The following ZRANB3 variants were observed in gnomAD, a reference collection of about 807,000 sequenced individuals.
ZRANB3 encodes zinc finger RANBP2-type containing 3.
Under a neutral mutation model 133.8 loss-of-function variants are expected in ZRANB3, and 125 were observed. The observed-to-expected ratio is 0.93, with a 90% CI of 0.81 to 1.08. The LOEUF (loss-of-function observed/expected upper bound fraction) is 1.08. Ranked by LOEUF, ZRANB3 falls within the 50% of genes least tolerant of loss-of-function variation. The pLI is 0.00. For missense variants in ZRANB3, 1,229 were observed against 1,275.5 expected (o/e 0.96, Z 0.56); for synonymous variants, 387 against 432.7 (o/e 0.89, Z 1.31).
At chr2:135,414,153 A>G (rs1235178705) in intron 2 of ZRANB3, among the ~76,000 whole-genome samples, 1 of 152,160 alleles carries the variant, frequency 6.6e-6, no homozygotes, top group Non-Finnish European at 1.5e-5. Context: ...AAAGACACAG[A>G]CTGGCAAATT....
chr2:135,479,421 T>A (rs1285934857), intron 2 of ZRANB3, among the ~76,000 whole-genome samples: 3 of 152,026 alleles, frequency 2.0e-5, no homozygotes, highest in Admixed American at 6.6e-5. Flanking sequence ...GATTACCTGA[T>A]GTCAGGAGTT....
At chr2:135,448,510 A>G (rs1690129408) in intron 2 of ZRANB3, among the ~76,000 whole-genome samples, 1 of 152,224 alleles carries the variant, frequency 6.6e-6, no homozygotes, top group Non-Finnish European at 1.5e-5. Flanking sequence ...AATTATTAGC[A>G]ATCACATGCA....
At chr2:135,416,729 C>T (rs547291169) in intron 2 of ZRANB3, among the ~76,000 whole-genome samples, 1 of 152,116 alleles carries the variant, frequency 6.6e-6, no homozygotes, top group South Asian at 2.1e-4. Context: ...CTACAGTAAC[C>T]AAAACAGCAT....
chr2:135,254,760 T>C (rs1573767987), intron 12 of ZRANB3, among the ~76,000 whole-genome samples: 1 of 152,142 alleles, frequency 6.6e-6, no homozygotes, highest in East Asian at 1.9e-4. Flanking sequence ...TTTTCTTTTT[T>C]TTTTCTTTGA....
chr2:135,231,987 G>A (rs1323531923), intron 12 of ZRANB3, among the ~76,000 whole-genome samples: 2 of 152,178 alleles, frequency 1.3e-5, no homozygotes, highest in Non-Finnish European at 2.9e-5. Context: ...CTGAAGCAGG[G>A]CGAGGCATCG....
At chr2:135,324,307 C>A (rs1364868287) in intron 6 of ZRANB3, among the ~76,000 whole-genome samples, 1 of 151,448 alleles carries the variant, frequency 6.6e-6, no homozygotes, top group East Asian at 1.9e-4. Context: ...GTTCAATTCC[C>A]ACCTATGAGT....
intron 12 of ZRANB3, 56 bp from the exon 13 acceptor site, chr2:135,230,983 T>C (rs1694988179): frequency 4.1e-6 from 6 of 1,459,794 alleles, no homozygotes; most frequent in African/African-American, 2.8e-5. Flanking sequence ...ATGTTCTTCT[T>C]ACATAAAAGA....
At chr2:135,311,538 C>T (rs920065337) in intron 8 of ZRANB3, among the ~76,000 whole-genome samples, 1 of 150,918 alleles carries the variant, frequency 6.6e-6, no homozygotes, top group African/African-American at 2.4e-5. Context: ...TTACAATAGT[C>T]TAAAACAGAA....
chr2:135,268,755 G>C (rs954795429), intron 11 of ZRANB3, among the ~76,000 whole-genome samples: 7 of 152,108 alleles, frequency 4.6e-5, no homozygotes, highest in African/African-American at 7.2e-5. Flanking sequence ...ACAGGAGTAC[G>C]TGGAAGTTCA....
At chr2:135,394,675 C>T (rs151313520) in intron 2 of ZRANB3, among the ~76,000 whole-genome samples, 17 of 151,970 alleles carry the variant, frequency 1.1e-4, no homozygotes, top group Non-Finnish European at 2.2e-4. Context: ...AACACTACTA[C>T]ACTGTAAAAT....
At chr2:135,398,605 G>A (rs1375816180) in intron 2 of ZRANB3, among the ~76,000 whole-genome samples, 4 of 143,196 alleles carry the variant, frequency 2.8e-5, no homozygotes, top group East Asian at 2.1e-4. Context: ...TGCAAGCTCC[G>A]CCTCCTGGGT....
At chr2:135,214,471 C>T (rs77797846) in intron 17 of ZRANB3, among the ~76,000 whole-genome samples, 1 of 151,970 alleles carries the variant, frequency 6.6e-6, no homozygotes, top group Non-Finnish European at 1.5e-5. Context: ...GATCAGTCAC[C>T]TTTCTCAGTT....
chr2:135,358,443 T>G (rs891787708), intron 3 of ZRANB3, among the ~76,000 whole-genome samples: 2 of 152,164 alleles, frequency 1.3e-5, no homozygotes, highest in Non-Finnish European at 2.9e-5. Context: ...GGTGATGAAT[T>G]TAGGCAGCTG....
chr2:135,252,787 T>G (rs1219782914), intron 12 of ZRANB3, among the ~76,000 whole-genome samples: 1 of 152,232 alleles, frequency 6.6e-6, no homozygotes, highest in Admixed American at 6.5e-5. Context: ...ATTAGATCTC[T>G]TTCTGTTGTT....
intron 3 of ZRANB3, among the ~76,000 whole-genome samples, chr2:135,390,357 A>G (rs546092277): frequency 1.5e-4 from 23 of 152,314 alleles, no homozygotes; most frequent in African/African-American, 5.5e-4. Flanking sequence ...ACATATAAGC[A>G]CATGCCATTT....
intron 2 of ZRANB3, among the ~76,000 whole-genome samples, chr2:135,415,636 T>C (rs1438043816): frequency 2.0e-5 from 3 of 152,052 alleles, no homozygotes; most frequent in African/African-American, 7.2e-5. Context: ...ATACCAAAGC[T>C]GGGCAGAGAC....
intron 17 of ZRANB3, among the ~76,000 whole-genome samples, chr2:135,212,513 C>T (rs959391339): frequency 1.3e-5 from 2 of 152,110 alleles, no homozygotes; most frequent in African/African-American, 2.4e-5. Context: ...CTTTTGCTTT[C>T]CTACAAGAGG....
intron 2 of ZRANB3, among the ~76,000 whole-genome samples, chr2:135,496,577 T>C (rs1308947622): frequency 6.6e-6 from 1 of 152,090 alleles, no homozygotes; most frequent in Non-Finnish European, 1.5e-5. Context: ...GTTCTAAATA[T>C]TTAAAGAAAT....
rs542465165 is a variant in ZRANB3, at chr2:135,436,040, G to C, written c.162-45220C>G. 9.2e-5 allele frequency among the ~76,000 whole-genome samples: 14 copies of C among 152,170 alleles called. 2 individuals are homozygous for C. In the South Asian group the frequency reaches 2.7e-3, roughly 29 times the overall value. ...CGTTGCAATTGCTATTGGTATCTTT[G>C]TTATGGAATCTTTGTCCACTCCTGT... On this transcript the variant is annotated intron_variant, in intron 2 of 20. Coordinates refer to ENST00000264159, the MANE Select transcript of ZRANB3 (RefSeq NM_032143.4).
Sources: gnomAD v4.1 joint callset for allele counts (sites outside exome capture counted in the v4.1 genomes callset) on GRCh38, gnomAD v4.1.1 for gene constraint, MANE v1.5 for transcripts, NCBI Gene and HGNC (gene_info 2026-07-23, HGNC 2026-07-21) for gene names.